The following SLIT1 variants were observed in gnomAD, a reference collection of about 807,000 sequenced individuals.
SLIT1 encodes slit guidance ligand 1, also known as slit homolog 1 protein.
In SLIT1, 66 loss-of-function variants were observed where a neutral mutation model predicts 186.1. The observed-to-expected ratio is 0.35, with a 90% CI of 0.29 to 0.44. SLIT1 has a LOEUF of 0.44. Among genes scored for constraint, SLIT1 ranks in the 20% least tolerant of loss-of-function variants. The pLI, the probability that SLIT1 is intolerant of heterozygous loss-of-function variation, is 1.00. For missense variants in SLIT1, 1,638 were observed against 2,037.4 expected, an observed-to-expected ratio of 0.80 and a Z score of 3.77; for synonymous variants, 761 against 833.8, an observed-to-expected ratio of 0.91 and a Z score of 1.50.
intron 3 of SLIT1, 51 bp from the exon 4 acceptor site, chr10:97,157,940 A>T: frequency 7.3e-7 from 1 of 1,367,642 alleles, no homozygotes; most frequent in South Asian, 1.2e-5. Context: ...AGGAAATCCA[A>T]AGGACTTCTC....
At chr10:97,129,664 G>A (rs925487566) in intron 4 of SLIT1, among the ~76,000 whole-genome samples, 2 of 152,122 alleles carry the variant, frequency 1.3e-5, no homozygotes, top group African/African-American at 2.4e-5. Context: ...GAGGACCCGT[G>A]GCCCATCTCA....
chr10:97,059,640 T>C, intron 10 of SLIT1, 109 bp from the exon 11 acceptor site: 1 of 814,362 alleles, frequency 1.2e-6, no homozygotes, highest in South Asian at 1.4e-5. Flanking sequence ...TGGAGTGCTT[T>C]GAAATGAGAA....
intron 4 of SLIT1, among the ~76,000 whole-genome samples, chr10:97,097,016 C>G (rs1849298159): frequency 6.6e-6 from 1 of 152,144 alleles, no homozygotes. Context: ...CCCATTTTTT[C>G]TCAGGGATAC....
chr10:97,119,923 A>ATATATATATATATATATC (rs1175872420), intron 4 of SLIT1, among the ~76,000 whole-genome samples: 1 of 125,796 alleles, frequency 7.9e-6, no homozygotes, highest in African/African-American at 3.0e-5. Context: ...GTATATATAT[A>ATATATATATATATATATC]TATATATATA....
At chr10:97,056,684 G>GTC (rs1848839941) in intron 12 of SLIT1, among the ~76,000 whole-genome samples, 1 of 152,218 alleles carries the variant, frequency 6.6e-6, no homozygotes, top group African/African-American at 2.4e-5. Flanking sequence ...CAACCCACTC[G>GTC]TCTCTCTTTC....
chr10:97,033,054 T>C (rs971903180), intron 23 of SLIT1, among the ~76,000 whole-genome samples: 28 of 150,648 alleles, frequency 1.9e-4, no homozygotes, highest in Admixed American at 9.2e-4. Flanking sequence ...TTCTTTCTTT[T>C]TTTTTTTTTT....
chr10:97,016,474 C>T (rs947968671), intron 28 of SLIT1, among the ~76,000 whole-genome samples: 1 of 152,154 alleles, frequency 6.6e-6, no homozygotes, highest in Non-Finnish European at 1.5e-5. Flanking sequence ...CAGCTTACTG[C>T]AGCCTCAACT....
At chr10:97,065,641 C>T (rs1015780994) in intron 5 of SLIT1, 8 of 203,968 alleles carry the variant, frequency 3.9e-5, no homozygotes, top group African/African-American at 1.4e-4. Flanking sequence ...TGACTTGCAG[C>T]GGCCTTATGT....
chr10:97,176,431 T>G (rs950540996), intron 1 of SLIT1, among the ~76,000 whole-genome samples: 1 of 151,576 alleles, frequency 6.6e-6, no homozygotes, highest in African/African-American at 2.4e-5. Flanking sequence ...CCTGGCTCCC[T>G]CCTTCCCTCC....
At position 97,022,684 on chromosome 10, in the gene SLIT1, G is replaced by A. The variant is rs79163670; in HGVS notation, c.2583-1271C>T. On this transcript the variant is annotated intron_variant, in intron 25 of 36. Transcript: ENST00000266058. This position sits in a 1 kb window ranked among gnomAD's most constrained non-coding sequence, Gnocchi z 4.2. ...GACTGGAAACCCCATGTTCATCAAT[G>A]GGGAGTGGTTATATAAATTGTGATA... 9.8e-4 allele frequency among the ~76,000 whole-genome samples: 149 copies of A among 152,306 alleles called. 2 individuals are homozygous for A. The East Asian group carries it at 0.022, about 22-fold the overall frequency.
intron 2 of SLIT1, among the ~76,000 whole-genome samples, chr10:97,164,170 A>G: frequency 6.6e-6 from 1 of 152,218 alleles, no homozygotes; most frequent in East Asian, 1.9e-4. Context: ...CTGTTGCGTG[A>G]TAACTTTTGA....
At chr10:97,014,207 T>C in intron 28 of SLIT1, 49 bp from the exon 29 acceptor site, 1 of 1,598,782 alleles carries the variant, frequency 6.3e-7, no homozygotes, top group Non-Finnish European at 8.5e-7. Context: ...GGAACACTGG[T>C]GGAAGCCTGT....
At chr10:97,106,641 G>GGT (rs549958441) in intron 4 of SLIT1, among the ~76,000 whole-genome samples, 2 of 147,094 alleles carry the variant, frequency 1.4e-5, no homozygotes, top group African/African-American at 2.5e-5. Context: ...AATTAAAGTT[G>GGT]TTTTTTTTTT....
At chr10:97,105,496 G>A (rs1383882628) in intron 4 of SLIT1, among the ~76,000 whole-genome samples, 1 of 152,162 alleles carries the variant, frequency 6.6e-6, no homozygotes, top group Non-Finnish European at 1.5e-5. Context: ...TACATCGCAG[G>A]GGCCTCCAGT....
intron 4 of SLIT1, among the ~76,000 whole-genome samples, chr10:97,133,963 T>G (rs1849678221): frequency 6.6e-6 from 1 of 152,176 alleles, no homozygotes; most frequent in Non-Finnish European, 1.5e-5. Context: ...TTTGGATTGT[T>G]TCTTTGCTAT....
chr10:97,018,496 T>A, intron 28 of SLIT1, 90 bp downstream of exon 28: 1 of 780,942 alleles, frequency 1.3e-6, no homozygotes, highest in Non-Finnish European at 2.1e-6. Flanking sequence ...ACAGGAGGCC[T>A]GGGCCATCCC....
At chr10:97,062,485 T>G (rs1848902372) in intron 8 of SLIT1, among the ~76,000 whole-genome samples, 1 of 152,216 alleles carries the variant, frequency 6.6e-6, no homozygotes, top group African/African-American at 2.4e-5. Flanking sequence ...AGCAAGTATT[T>G]CCTGTGCCAA....
Position 97,060,641 on chromosome 10 carries a change from T to A in SLIT1, c.940A>T (p.Ile314Leu), listed in dbSNP as rs767760451. The change falls in exon 9 of 37, where the codon ATA becomes TTA. Residue 314 changes from isoleucine (I) to leucine (L), a missense_variant and splice_region_variant. Transcript: ENST00000266058. ...PANLPETMTE[I>L]RLELNGIKSI... Reference sequence around the variant, plus strand: ...GCATCTGCCCTGCCCCGTACTCACATCTCCGTCATGGTCTCGGGCAGGTTG... The same window carrying A: ...GCATCTGCCCTGCCCCGTACTCACAACTCCGTCATGGTCTCGGGCAGGTTG... 1.2e-5 allele frequency: 20 copies of A among 1,612,648 alleles called. No homozygotes were observed. The Admixed American group carries it at 3.0e-4, about 24-fold the overall frequency.
At chr10:97,084,763 G>A (rs905129079) in intron 4 of SLIT1, among the ~76,000 whole-genome samples, 2 of 146,920 alleles carry the variant, frequency 1.4e-5, no homozygotes, top group Non-Finnish European at 1.5e-5. Context: ...GTGCCACCAC[G>A]CTTGGCTAAT....
Sources: gnomAD v4.1 joint callset for allele counts (sites outside exome capture counted in the v4.1 genomes callset) on GRCh38, gnomAD v4.1.1 for gene constraint, Gnocchi (gnomAD v3.1) non-coding constraint, MANE v1.5 for transcripts, NCBI Gene and HGNC (gene_info 2026-07-23, HGNC 2026-07-21) for gene names.